MYO1D: variants seen among roughly 807,000 people sequenced by gnomAD.
MYO1D encodes the protein unconventional myosin-Id.
Under a neutral mutation model 122.0 loss-of-function variants are expected in MYO1D, and 83 were observed. That is an observed-to-expected ratio of 0.68 (90% CI 0.57 to 0.82). The LOEUF (loss-of-function observed/expected upper bound fraction) is 0.82. Among genes scored for constraint, MYO1D ranks in the 40% least tolerant of loss-of-function variants. MYO1D has a pLI of 0.00. For synonymous variants in MYO1D, 464 were observed against 446.9 expected (o/e 1.04, Z -0.48); for missense variants, 1,157 against 1,269.5 (o/e 0.91, Z 1.35).
intron 21 of MYO1D, among the ~76,000 whole-genome samples, chr17:32,589,904 A>G (rs1464529255): frequency 6.6e-6 from 1 of 152,082 alleles, no homozygotes; most frequent in Non-Finnish European, 1.5e-5. Flanking sequence ...TGCCTTTGTA[A>G]CTTCTATCTT....
intron 20 of MYO1D, among the ~76,000 whole-genome samples, chr17:32,614,319 G>A (rs569991431): frequency 1.4e-3 from 210 of 148,342 alleles, no homozygotes; most frequent in African/African-American, 4.8e-3. Flanking sequence ...AAATTGTAGC[G>A]GTCACTTAAT....
chr17:32,776,648 T>G (rs980646462), intron 3 of MYO1D, among the ~76,000 whole-genome samples: 4 of 152,234 alleles, frequency 2.6e-5, no homozygotes, highest in African/African-American at 9.6e-5. Flanking sequence ...CACTTGCTTA[T>G]AAAACCTGGA....
rs560953120 is a variant in MYO1D, at chr17:32,864,007, C to CTTTTTTTTTTTTTTTTTTTTTTT, written c.95+12748_95+12770dup. 8.2e-5 allele frequency among the ~76,000 whole-genome samples: 4 copies of CTTTTTTTTTTTTTTTTTTTTTTT among 48,960 alleles called. 1 individual carries two copies. The highest frequency in any genetic ancestry group is 1.0e-4 in the Non-Finnish European group (3 of 28,654). The allele number at this position is 48,960 out of a possible 152,430, so 32.1% of individuals were successfully genotyped here. ...TAATTTTGGTTACAAACATTTCTTC[C>CTTTTTTTTTTTTTTTTTTTTTTT]TTTTTTTTTTTTTTTTTTTTTTTTT... is the stretch of plus-strand genomic sequence containing the variant. On this transcript the variant is annotated intron_variant, in intron 1 of 21. Transcript: ENST00000318217.
intron 1 of MYO1D, among the ~76,000 whole-genome samples, chr17:32,821,382 T>C (rs539611259): frequency 6.6e-6 from 1 of 152,272 alleles, no homozygotes; most frequent in Non-Finnish European, 1.5e-5. Context: ...ATCAACAAAC[T>C]AAAATAAAGA....
intron 21 of MYO1D, among the ~76,000 whole-genome samples, 185 bp from the exon 22 acceptor site, chr17:32,495,100 C>G (rs1909042232): frequency 6.6e-6 from 1 of 152,232 alleles, no homozygotes; most frequent in Non-Finnish European, 1.5e-5. Context: ...GGGCCTCCAA[C>G]CACAGCCTCG....
intron 14 of MYO1D, among the ~76,000 whole-genome samples, chr17:32,723,046 AC>A (rs1465597287): frequency 2.0e-5 from 3 of 152,188 alleles, no homozygotes; most frequent in African/African-American, 4.8e-5. Context: ...AACAAAAAAA[AC>A]AAAACCTCAG....
chr17:32,594,874 G>C (rs761880484), intron 21 of MYO1D, among the ~76,000 whole-genome samples: 1 of 152,132 alleles, frequency 6.6e-6, no homozygotes, highest in Non-Finnish European at 1.5e-5. Context: ...ATCTGAGTAG[G>C]AATTCCTACA....
chr17:32,730,122 T>G (rs997574549), intron 14 of MYO1D, among the ~76,000 whole-genome samples: 3 of 146,520 alleles, frequency 2.0e-5, no homozygotes, highest in Non-Finnish European at 3.0e-5. Context: ...GTTTTTATTG[T>G]TTTTTTTTTT....
chr17:32,606,784 G>A (rs2087633015), intron 20 of MYO1D, among the ~76,000 whole-genome samples: 1 of 152,244 alleles, frequency 6.6e-6, no homozygotes, highest in South Asian at 2.1e-4. Flanking sequence ...AAGATCGGGA[G>A]CAATGCAAGG....
chr17:32,779,831 A>G (rs2090216821), intron 2 of MYO1D, among the ~76,000 whole-genome samples: 1 of 152,192 alleles, frequency 6.6e-6, no homozygotes, highest in African/African-American at 2.4e-5. Context: ...TACATACCAG[A>G]GAGTTGTTTT....
intron 8 of MYO1D, among the ~76,000 whole-genome samples, chr17:32,762,312 G>C (rs2090009575): frequency 6.6e-6 from 1 of 152,060 alleles, no homozygotes; most frequent in African/African-American, 2.4e-5. Flanking sequence ...AAAATGAGGT[G>C]GGAGAGGTGG....
Position 32,493,119 on chromosome 17 carries a change from G to A in MYO1D, c.*1640C>T, listed in dbSNP as rs1172058542. 6.6e-6 allele frequency: 1 copy of A among 152,528 alleles called. No individual in the cohort carries two copies. Among genetic ancestry groups the A allele is most frequent in the African/African-American group, 2.4e-5 (1 of 41,460 alleles). 9.4% of individuals were successfully genotyped at this position (152,528 alleles called of 1,614,324 possible). ...AAGTTCCAGTTAGATGGTTCCACTA[G>A]TGTCTACTGGTAATTGGCAAAACTA... On this transcript the variant is annotated 3_prime_UTR_variant, in exon 22 of 22. Transcript: ENST00000318217.
chr17:32,755,572 C>T lies in MYO1D; in HGVS notation c.1387G>A (p.Val463Ile). The T allele has an allele frequency of 6.2e-7, 1 of 1,613,984 alleles. No homozygotes were observed. Among genetic ancestry groups the T allele is most frequent in the Admixed American group, 1.7e-5 (1 of 60,014 alleles). The change falls in exon 11 of 22, where the codon GTC becomes ATC. Residue 463 changes from valine to isoleucine, a missense_variant. Coordinates refer to ENST00000318217, the MANE Select transcript of MYO1D (RefSeq NM_015194.3). ...AACATTTCATCGGTGACTTTGCCGA[C>T]ATTCATGCAAGCATCATCAAGGATT... Reference protein sequence around the residue: ...IAILDDACMNVGKVTDEMFLE... With the variant: ...IAILDDACMNIGKVTDEMFLE...
intron 1 of MYO1D, among the ~76,000 whole-genome samples, chr17:32,793,855 T>C (rs975975679): frequency 6.6e-6 from 1 of 152,176 alleles, no homozygotes. Context: ...ATAGTACCTT[T>C]CCCTCAGAGG....
At position 32,781,169 on chromosome 17, in the gene MYO1D, A is replaced by G. The variant is rs575829146; in HGVS notation, c.96-385T>C. On this transcript the variant is annotated intron_variant, in intron 1 of 21. Transcript: ENST00000318217. ...TGAAATCCACTTAGTCAGATTTTCA[A>G]TTTTAAAGAGGACTGTCATATACAT... Among the ~76,000 whole-genome samples the G allele has an allele frequency of 1.2e-4, 19 of 152,352 alleles. No individual in the cohort carries two copies. The South Asian group carries it at 3.3e-3, about 27-fold the overall frequency.
chr17:32,782,324 T>C (rs2090247143), intron 1 of MYO1D, among the ~76,000 whole-genome samples: 1 of 152,202 alleles, frequency 6.6e-6, no homozygotes, highest in Non-Finnish European at 1.5e-5. Flanking sequence ...GAAGTTTACA[T>C]GGCAGCTAAA....
rs1194628507 is a variant in MYO1D, at chr17:32,772,646, G to A, written c.618+143C>T. 1.0e-5 allele frequency: 7 copies of A among 684,434 alleles called. 1 individual carries two copies. Among genetic ancestry groups the A allele is most frequent in the East Asian group, 8.0e-5 (3 of 37,382 alleles). 42.4% of individuals were successfully genotyped at this position (684,434 alleles called of 1,614,324 possible). On this transcript the variant is annotated intron_variant, in intron 5 of 21. Transcript: ENST00000318217. ...GCAGGTAGGGCAGGGCATGTGGTGC[G>A]TGCGTGCGTGCGTGCATGCGTGACA...
At chr17:32,650,313 C>T (rs763487136) in intron 19 of MYO1D, among the ~76,000 whole-genome samples, 10 of 152,200 alleles carry the variant, frequency 6.6e-5, no homozygotes, top group South Asian at 2.1e-4. Context: ...TTTGTTCCTT[C>T]GTGTCTTTTT....
At chr17:32,867,396 T>C (rs886330173) in intron 1 of MYO1D, among the ~76,000 whole-genome samples, 4 of 151,912 alleles carry the variant, frequency 2.6e-5, no homozygotes, top group African/African-American at 9.7e-5. Flanking sequence ...TATTGATCCA[T>C]TTATTAAGGT....
Sources: gnomAD v4.1 joint callset for allele counts (sites outside exome capture counted in the v4.1 genomes callset) on GRCh38, gnomAD v4.1.1 for gene constraint, MANE v1.5 for transcripts, NCBI Gene and HGNC (gene_info 2026-07-23, HGNC 2026-07-21) for gene names.